Variants in SMYD3 observed in about 807,000 individuals in gnomAD.
SMYD3 encodes histone-lysine N-methyltransferase SMYD3.
A neutral mutation model predicts 57.7 loss-of-function variants in SMYD3; 36 were observed. The observed-to-expected ratio is 0.62, with a 90% confidence interval of 0.48 to 0.82. The LOEUF is 0.82. SMYD3 is among the 40% of genes least tolerant of loss of function. The probability of loss-of-function intolerance (pLI) is 0.00; values close to 1 mark genes in which losing one functional copy is unlikely to be tolerated. For synonymous variants in SMYD3, 211 were observed against 195.0 expected, an observed-to-expected ratio of 1.08 and a Z score of -0.68; for missense variants, 515 against 538.8, an observed-to-expected ratio of 0.96 and a Z score of 0.44.
chr1:245,882,856 C>G (rs2052863413), intron 8 of SMYD3, among the ~76,000 whole-genome samples: 1 of 152,148 alleles, frequency 6.6e-6, no homozygotes, highest in Non-Finnish European at 1.5e-5. Flanking sequence ...TAGTAATTTT[C>G]CTGGGTAGAA....
Position 245,929,884 on chromosome 1 carries a change from A to C in SMYD3, c.585T>G (p.Val195=). The part of the protein sequence containing the change: ...ICNAEMQEVG[V]GLYPSISLLN... ...ATACACCATACCTGGGATATAGGCC[A>C]ACACCAACTTCCTGCATCTCCGCAT... Residue 195 remains valine, a synonymous_variant, in exon 6 of 12, where the codon GTT becomes GTG. Transcript: ENST00000490107. 2.5e-6 allele frequency: 4 copies of C among 1,613,734 alleles called. No homozygotes were observed. The highest frequency in any genetic ancestry group is 3.4e-6 in the Non-Finnish European group (4 of 1,179,676).
intron 1 of SMYD3, among the ~76,000 whole-genome samples, chr1:246,404,164 C>G (rs1417749212): frequency 6.6e-6 from 1 of 152,200 alleles, no homozygotes; most frequent in Non-Finnish European, 1.5e-5. Context: ...GTTATAAAAG[C>G]TTTACACATA....
chr1:245,941,038 T>C (rs2147895294), intron 5 of SMYD3, among the ~76,000 whole-genome samples: 1 of 152,132 alleles, frequency 6.6e-6, no homozygotes, highest in Non-Finnish European at 1.5e-5. Flanking sequence ...TAACAACAGC[T>C]GAACAGACCA....
At chr1:245,940,595 CAG>C (rs2057199099) in intron 5 of SMYD3, among the ~76,000 whole-genome samples, 1 of 138,938 alleles carries the variant, frequency 7.2e-6, no homozygotes, top group South Asian at 2.4e-4. Flanking sequence ...CAAAAAAAAA[CAG>C]AAAGCACCAC....
At chr1:246,404,542 T>A (rs2066827514) in intron 1 of SMYD3, among the ~76,000 whole-genome samples, 1 of 152,218 alleles carries the variant, frequency 6.6e-6, no homozygotes, top group Non-Finnish European at 1.5e-5. Flanking sequence ...TGCAGACTCC[T>A]GCTTCTGCTA....
At chr1:246,172,988 C>T (rs561650227) in intron 5 of SMYD3, among the ~76,000 whole-genome samples, 7 of 151,294 alleles carry the variant, frequency 4.6e-5, no homozygotes, top group South Asian at 2.1e-4. Flanking sequence ...CAACACTGTA[C>T]GCTTAGGCTA....
chr1:246,324,666 T>C (rs951090037), intron 5 of SMYD3, among the ~76,000 whole-genome samples: 21 of 152,004 alleles, frequency 1.4e-4, no homozygotes, highest in African/African-American at 4.8e-4. Context: ...CCTAATGAAC[T>C]GACTTTTGAA....
At chr1:246,504,693 A>C (rs928256819) in intron 1 of SMYD3, among the ~76,000 whole-genome samples, 24 of 152,220 alleles carry the variant, frequency 1.6e-4, no homozygotes, top group African/African-American at 5.3e-4. Flanking sequence ...AAGGCAGCAG[A>C]AGGACAGGGG....
intron 10 of SMYD3, among the ~76,000 whole-genome samples, chr1:245,858,290 T>C (rs189131266): frequency 1.3e-5 from 2 of 152,336 alleles, no homozygotes; most frequent in East Asian, 3.9e-4. Flanking sequence ...GTCTGACACA[T>C]GGAAGGAACT....
chr1:246,326,953 C>G (rs2065363125), intron 5 of SMYD3: 2 of 509,204 alleles, frequency 3.9e-6, no homozygotes, highest in Middle Eastern at 5.1e-4. Flanking sequence ...TCCAAGGGTA[C>G]ACTTTGAGAA....
At chr1:245,784,529 T>C (rs909800093) in intron 10 of SMYD3, among the ~76,000 whole-genome samples, 1 of 152,134 alleles carries the variant, frequency 6.6e-6, no homozygotes, top group Non-Finnish European at 1.5e-5. Context: ...ATTTCCAAGA[T>C]GGCTTCTTCA....
chr1:245,939,519 C>T (rs911151907), intron 5 of SMYD3, among the ~76,000 whole-genome samples: 3 of 151,934 alleles, frequency 2.0e-5, no homozygotes, highest in South Asian at 2.1e-4. Context: ...CCAAGCTACT[C>T]GGGAGACTGA....
intron 10 of SMYD3, among the ~76,000 whole-genome samples, chr1:245,821,799 CTCA>C (rs1279729500): frequency 7.9e-5 from 12 of 151,872 alleles, no homozygotes; most frequent in African/African-American, 2.9e-4. Context: ...TGAAAACATG[CTCA>C]TCATCACTGG....
chr1:246,334,467 C>T (rs1224547897), intron 3 of SMYD3, among the ~76,000 whole-genome samples: 1 of 152,106 alleles, frequency 6.6e-6, no homozygotes, highest in East Asian at 1.9e-4. Flanking sequence ...AAACAGAAAA[C>T]CAAATACCAC....
chr1:245,790,844 G>T (rs1454780402), intron 10 of SMYD3, among the ~76,000 whole-genome samples: 1 of 152,148 alleles, frequency 6.6e-6, no homozygotes, highest in East Asian at 1.9e-4. Flanking sequence ...TAATCATCAG[G>T]CTCATTCATT....
At chr1:246,227,956 CTT>C (rs202246263) in intron 5 of SMYD3, among the ~76,000 whole-genome samples, 160 of 115,558 alleles carry the variant, frequency 1.4e-3, no homozygotes, top group African/African-American at 5.5e-3. Context: ...ATTTTTATTC[CTT>C]TTTTTTTTTT....
chr1:246,082,402 C>T (rs1316929522), intron 5 of SMYD3, among the ~76,000 whole-genome samples: 3 of 152,146 alleles, frequency 2.0e-5, no homozygotes, highest in African/African-American at 4.8e-5. Flanking sequence ...CAACTCACCC[C>T]CCTGGACCTG....
At chr1:246,498,327 G>A (rs1352239236) in intron 1 of SMYD3, among the ~76,000 whole-genome samples, 2 of 152,226 alleles carry the variant, frequency 1.3e-5, no homozygotes, top group African/African-American at 2.4e-5. Context: ...ACATAAAATT[G>A]AGCATTATGG....
intron 1 of SMYD3, among the ~76,000 whole-genome samples, chr1:246,407,281 G>A (rs1446751149): frequency 6.6e-6 from 1 of 152,176 alleles, no homozygotes; most frequent in Non-Finnish European, 1.5e-5. Context: ...TTCTAAGATT[G>A]CAACCACCAG....
Sources: allele counts gnomAD v4.1 joint callset (sites outside exome capture counted in the v4.1 genomes callset), GRCh38; gene constraint gnomAD v4.1.1; transcripts MANE v1.5; gene names NCBI Gene and HGNC (gene_info 2026-07-23, HGNC 2026-07-21).